Variants in CLASP1 observed in about 807,000 individuals in gnomAD.
The protein encoded by CLASP1 is CLIP-associating protein 1.
In CLASP1, 38 loss-of-function variants were observed where a neutral mutation model predicts 192.3. That is an observed-to-expected ratio of 0.20 (90% CI 0.15 to 0.26). The LOEUF (loss-of-function observed/expected upper bound fraction) is 0.26. Among genes scored for constraint, CLASP1 ranks in the 10% least tolerant of loss-of-function variants. The probability of loss-of-function intolerance (pLI) is 1.00; values close to 1 mark genes in which losing one functional copy is unlikely to be tolerated. For synonymous variants in CLASP1, 691 were observed against 712.8 expected (o/e 0.97, Z 0.49); for missense variants, 1,433 against 1,932.5 (o/e 0.74, Z 4.85).
At chr2:121,344,592 A>G (rs566610339) in intron 39 of CLASP1, among the ~76,000 whole-genome samples, 67 of 152,202 alleles carry the variant, frequency 4.4e-4, no homozygotes, top group African/African-American at 1.5e-3. Context: ...CGGCCTCCCA[A>G]AGTGCTGGGA....
chr2:121,560,757 A>G (rs763289516), intron 2 of CLASP1, among the ~76,000 whole-genome samples: 31 of 152,186 alleles, frequency 2.0e-4, no homozygotes, highest in Non-Finnish European at 4.0e-4. Flanking sequence ...ACGTTTCACA[A>G]TTTTCTTTTT....
At chr2:121,531,629 G>A (rs1294660198) in intron 2 of CLASP1, among the ~76,000 whole-genome samples, 2 of 151,402 alleles carry the variant, frequency 1.3e-5, no homozygotes, top group Non-Finnish European at 2.9e-5. Flanking sequence ...CAGCACTTGG[G>A]GAGGCCGAGG....
At chr2:121,408,990 T>TA in intron 24 of CLASP1, 9 of 1,534,782 alleles carry the variant, frequency 5.9e-6, no homozygotes, top group Non-Finnish European at 7.9e-6. Flanking sequence ...ACAGGAGAAA[T>TA]AAAGTTGTAA....
chr2:121,489,704 A>C (rs1481015406), intron 8 of CLASP1, among the ~76,000 whole-genome samples: 2 of 152,244 alleles, frequency 1.3e-5, no homozygotes, highest in Non-Finnish European at 2.9e-5. Context: ...CTGAAACCTA[A>C]TCAAGAAGAT....
At chr2:121,503,279 C>A in intron 7 of CLASP1, 45 bp from the exon 8 acceptor site, 2 of 1,088,940 alleles carry the variant, frequency 1.8e-6, no homozygotes, top group South Asian at 2.7e-5. Flanking sequence ...CATCACTGCT[C>A]ATAGCCAATT....
chr2:121,632,644 C>T (rs1457911836), intron 1 of CLASP1, among the ~76,000 whole-genome samples: 3 of 151,966 alleles, frequency 2.0e-5, no homozygotes, highest in Admixed American at 2.0e-4. Flanking sequence ...TGCCTGTAAA[C>T]CCAACACTTT....
At chr2:121,483,971 T>C (rs1460321885) in intron 8 of CLASP1, among the ~76,000 whole-genome samples, 1 of 152,184 alleles carries the variant, frequency 6.6e-6, no homozygotes, top group Non-Finnish European at 1.5e-5. Context: ...GTCTAGAGAA[T>C]TATCCAGACA....
intron 2 of CLASP1, among the ~76,000 whole-genome samples, chr2:121,564,769 TTCC>T (rs2059369783): frequency 6.6e-6 from 1 of 152,184 alleles, no homozygotes; most frequent in Non-Finnish European, 1.5e-5. Context: ...AAATAAATTT[TTCC>T]CCAAACACAA....
chr2:121,537,011 G>A (rs2095101845), intron 2 of CLASP1, among the ~76,000 whole-genome samples: 1 of 151,954 alleles, frequency 6.6e-6, no homozygotes, highest in African/African-American at 2.4e-5. Flanking sequence ...TGTGTTATGG[G>A]GCAATAAAAA....
chr2:121,523,034 G>A (rs947909543), intron 6 of CLASP1, among the ~76,000 whole-genome samples: 1 of 152,178 alleles, frequency 6.6e-6, no homozygotes, highest in Non-Finnish European at 1.5e-5. Flanking sequence ...ACTCTCATAA[G>A]GATTGAGGGG....
chr2:121,360,173 C>T (rs1658046946), intron 37 of CLASP1, among the ~76,000 whole-genome samples: 1 of 152,226 alleles, frequency 6.6e-6, no homozygotes. Flanking sequence ...TCTCTAAAAG[C>T]AGCCCCATGT....
chr2:121,635,009 T>C (rs1321768591), intron 1 of CLASP1, among the ~76,000 whole-genome samples: 1 of 152,096 alleles, frequency 6.6e-6, no homozygotes, highest in Non-Finnish European at 1.5e-5. Flanking sequence ...TAAATCATGC[T>C]TCCTACTAAG....
At chr2:121,596,538 AAC>A (rs1320898987) in intron 2 of CLASP1, among the ~76,000 whole-genome samples, 1 of 152,218 alleles carries the variant, frequency 6.6e-6, no homozygotes, top group African/African-American at 2.4e-5. Flanking sequence ...CTTATCTGTC[AAC>A]ACAGTCTCCT....
intron 2 of CLASP1, among the ~76,000 whole-genome samples, chr2:121,579,212 G>A (rs777013867): frequency 5.3e-5 from 8 of 152,046 alleles, no homozygotes; most frequent in African/African-American, 1.7e-4. Context: ...AGGCTTCTCC[G>A]TAATTTACTA....
intron 1 of CLASP1, among the ~76,000 whole-genome samples, chr2:121,630,585 C>G (rs779927316): frequency 2.0e-5 from 3 of 152,058 alleles, no homozygotes; most frequent in Admixed American, 1.3e-4. Context: ...GAGAAGAGGC[C>G]GGGCATGGTG....
intron 8 of CLASP1, among the ~76,000 whole-genome samples, chr2:121,482,057 A>G (rs912170042): frequency 1.3e-5 from 2 of 152,240 alleles, no homozygotes; most frequent in African/African-American, 2.4e-5. Flanking sequence ...TGTGACCCGT[A>G]CTACGTGGGT....
chr2:121,401,634 T>G, exon 28 of CLASP1: 1 of 1,612,250 alleles, frequency 6.2e-7, no homozygotes. Flanking sequence ...TATGAATTAT[T>G]ATAAAATCCA....
chr2:121,356,408 C>T (rs2065396038), intron 37 of CLASP1, among the ~76,000 whole-genome samples: 1 of 152,200 alleles, frequency 6.6e-6, no homozygotes, highest in African/African-American at 2.4e-5. Context: ...TGGCCCTGAA[C>T]CTGGGACGAG....
intron 2 of CLASP1, among the ~76,000 whole-genome samples, chr2:121,589,841 G>GA (rs201633867): frequency 0.015 from 2,194 of 145,560 alleles, 60 homozygotes; most frequent in South Asian, 0.11. Flanking sequence ...ATTTTGTGGA[G>GA]AAAAAAAAAA....
Sources: gnomAD v4.1 joint callset for allele counts (sites outside exome capture counted in the v4.1 genomes callset) on GRCh38, gnomAD v4.1.1 for gene constraint, MANE v1.5 for transcripts, NCBI Gene and HGNC (gene_info 2026-07-23, HGNC 2026-07-21) for gene names.